ITGB6: variants seen among roughly 807,000 people sequenced by gnomAD.
ITGB6 encodes integrin subunit beta 6.
A neutral mutation model predicts 84.5 loss-of-function variants in ITGB6; 80 were observed. The observed-to-expected ratio is 0.95, with a 90% CI of 0.79 to 1.14. The LOEUF is 1.14. Ranked by LOEUF, ITGB6 falls within the 50% of genes most tolerant of loss-of-function variation. The pLI is 0.00. For synonymous variants in ITGB6, 383 were observed against 354.9 expected, an observed-to-expected ratio of 1.08 and a Z score of -0.89; for missense variants, 1,006 against 968.0, an observed-to-expected ratio of 1.04 and a Z score of -0.52.
chr2:160,126,624 C>A, intron 10 of ITGB6, 23 bp from the exon 11 acceptor site: 3 of 1,599,494 alleles, frequency 1.9e-6, no homozygotes, highest in Non-Finnish European at 2.6e-6. Context: ...ATGCTCTATG[C>A]TTCTCACAGC....
At chr2:160,118,128 A>T (rs1319750793) in intron 12 of ITGB6, among the ~76,000 whole-genome samples, 3 of 152,234 alleles carry the variant, frequency 2.0e-5, no homozygotes, top group Non-Finnish European at 4.4e-5. Context: ...TATTCCAATC[A>T]ATAGAAAAAG....
chr2:160,165,145 T>C (rs1221633273), intron 7 of ITGB6, among the ~76,000 whole-genome samples: 1 of 152,200 alleles, frequency 6.6e-6, no homozygotes, highest in Non-Finnish European at 1.5e-5. Context: ...TGATTTTATT[T>C]TTACTAAAAT....
rs374377727 is a variant in ITGB6, at chr2:160,196,291, T to C, written c.271A>G (p.Ser91Gly). The change falls in exon 3 of 15, where the codon AGT becomes GGT. Residue 91 changes from serine (S) to glycine (G), a missense_variant. Physicochemically the swap from Ser to Gly is moderately conservative, Grantham distance 56. Transcript: ENST00000283249. ...QVEILKNKPL[S>G]VGRQKNSSDI... ...GAACTATTTTTCTGTCTGCCTACACTGAGAGGCTTATTTTTAAGTATTTCT... is the reference window on the plus strand; with the variant it reads ...GAACTATTTTTCTGTCTGCCTACACCGAGAGGCTTATTTTTAAGTATTTCT... 1.2e-6 allele frequency: 2 copies of C among 1,614,078 alleles called. No individual in the cohort carries two copies. Among genetic ancestry groups the C allele is most frequent in the East Asian group, 2.2e-5 (1 of 44,858 alleles).
intron 4 of ITGB6, among the ~76,000 whole-genome samples, chr2:160,192,693 G>C (rs1282315658): frequency 2.0e-5 from 3 of 151,830 alleles, no homozygotes; most frequent in African/African-American, 4.8e-5. Flanking sequence ...CTATAAACTG[G>C]GAGAGAATAT....
At chr2:160,101,865 T>A (rs1474735256) in intron 14 of ITGB6, 31 bp from the exon 15 acceptor site, 1 of 1,295,444 alleles carries the variant, frequency 7.7e-7, no homozygotes. Context: ...CAAGTGAAAG[T>A]ATGTATATTT....
intron 10 of ITGB6, among the ~76,000 whole-genome samples, chr2:160,132,902 T>C (rs1026773998): frequency 7.9e-5 from 12 of 152,170 alleles, no homozygotes; most frequent in Non-Finnish European, 1.2e-4. Context: ...TGTAGGCTTT[T>C]TCACACATGC....
chr2:160,180,925 G>A lies in ITGB6; in HGVS notation c.594-6786C>T, dbSNP rs149691099. On this transcript the variant is annotated intron_variant, in intron 4 of 14. Coordinates refer to ENST00000283249, the MANE Select transcript of ITGB6 (RefSeq NM_000888.5). ...CCCCTAGCCAAGGGAAGCTGTGAGG[G>A]ACTGTGCCATGAGGAATGGTGCATT... Among the ~76,000 whole-genome samples, 525 of 152,268 alleles carry A rather than the reference G, an allele frequency of 3.4e-3. 2 individuals carry two copies. The highest frequency in any genetic ancestry group is 0.012 in the African/African-American group (498 of 41,548).
chr2:160,173,836 G>T, intron 5 of ITGB6, 138 bp downstream of exon 5: 1 of 715,988 alleles, frequency 1.4e-6, no homozygotes, highest in Non-Finnish European at 2.2e-6. Context: ...GGTAAAAATT[G>T]TGTATTTTAA....
At chr2:160,198,143 CAT>C (rs1336354447) in intron 2 of ITGB6, among the ~76,000 whole-genome samples, 2 of 151,972 alleles carry the variant, frequency 1.3e-5, no homozygotes, top group Non-Finnish European at 2.9e-5. Context: ...ATCCAAAAAA[CAT>C]GTGATTTTTT....
In ITGB6 at chr2:160,138,158, A is replaced by C; in HGVS notation, c.1149T>G (p.Thr383=). 5.0e-6 allele frequency: 8 copies of C among 1,614,006 alleles called. No homozygotes were observed. The highest frequency in any genetic ancestry group is 6.8e-6 in the Non-Finnish European group (8 of 1,179,936). ...CTGTAAATGACAAGTTGAGTCCTTC[A>C]GTGTCTCCTAATACTTCCAGTTCCA... ...SEVELEVLGD[T]EGLNLSFTAI... The change falls in exon 9 of 15, where the codon ACT becomes ACG. Residue 383 remains threonine (T), a synonymous_variant. Transcript: ENST00000283249.
intron 12 of ITGB6, among the ~76,000 whole-genome samples, chr2:160,121,683 G>A (rs542747523): frequency 7.6e-4 from 115 of 151,952 alleles, no homozygotes; most frequent in African/African-American, 2.6e-3. Context: ...GTACTCATGA[G>A]GCTGAGCCTG....
chr2:160,188,581 C>T (rs942315183), intron 4 of ITGB6, among the ~76,000 whole-genome samples: 2 of 151,702 alleles, frequency 1.3e-5, no homozygotes, highest in Non-Finnish European at 2.9e-5. Context: ...ATGCCAAATG[C>T]TTTTAATCGT....
Position 160,196,243 on chromosome 2 carries a change from G to A in ITGB6, c.319C>T (p.Gln107Ter), listed in dbSNP as rs778458175. The A allele has an allele frequency of 2.9e-5, 47 of 1,613,832 alleles. No individual in the cohort carries two copies. Among genetic ancestry groups the A allele is most frequent in the Non-Finnish European group, 3.6e-5 (43 of 1,179,930 alleles). ...GGTCTCAACTTAAGGATCAAGCTTT[G>A]AGGCGCAATCTGAACAATGTCAGAA... ...NSSDIVQIAPQSLILKLRPGG... is the reference protein window; with the variant it reads ...NSSDIVQIAP The change falls in exon 3 of 15, where the codon CAA becomes TAA. Residue 107 changes from glutamine to a stop codon, truncating the protein, a stop_gained. Transcript: ENST00000283249. LOFTEE classifies it high-confidence loss of function.
chr2:160,184,056 C>T (rs183231010), intron 4 of ITGB6, among the ~76,000 whole-genome samples: 19 of 152,242 alleles, frequency 1.2e-4, no homozygotes, highest in Admixed American at 1.1e-3. Flanking sequence ...ACCCTAACAT[C>T]ACAATTAAAA....
chr2:160,125,982 T>C (rs749908481), intron 11 of ITGB6, among the ~76,000 whole-genome samples: 3 of 152,140 alleles, frequency 2.0e-5, no homozygotes, highest in Non-Finnish European at 2.9e-5. Context: ...AACTTCTAGA[T>C]AAGAAAGAAG....
intron 4 of ITGB6, among the ~76,000 whole-genome samples, chr2:160,174,848 T>A (rs1302181012): frequency 6.6e-6 from 1 of 152,192 alleles, no homozygotes; most frequent in African/African-American, 2.4e-5. Context: ...GAGCTTTGGA[T>A]TTTAAAATGC....
chr2:160,195,241 T>C, intron 4 of ITGB6, 128 bp downstream of exon 4: 1 of 1,183,688 alleles, frequency 8.4e-7, no homozygotes, highest in East Asian at 2.5e-5. Context: ...CTGAGAGAAC[T>C]GCTGAGATCC....
At chr2:160,184,537 T>C (rs1347128329) in intron 4 of ITGB6, among the ~76,000 whole-genome samples, 1 of 152,198 alleles carries the variant, frequency 6.6e-6, no homozygotes, top group Admixed American at 6.5e-5. Flanking sequence ...CACAGCCAAA[T>C]TCTACCAGAA....
At chr2:160,131,780 T>A (rs1205765205) in intron 10 of ITGB6, among the ~76,000 whole-genome samples, 1 of 152,192 alleles carries the variant, frequency 6.6e-6, no homozygotes, top group African/African-American at 2.4e-5. Flanking sequence ...TAAATAGAAT[T>A]TCTGTAGCAA....
Sources: gnomAD v4.1 joint callset for allele counts (sites outside exome capture counted in the v4.1 genomes callset) on GRCh38, gnomAD v4.1.1 for gene constraint, MANE v1.5 for transcripts, NCBI Gene and HGNC (gene_info 2026-07-23, HGNC 2026-07-21) for gene names.